Variants in CAST observed in about 807,000 individuals in gnomAD.
CAST encodes the protein calpastatin.
Under a neutral mutation model 119.6 loss-of-function variants are expected in CAST, and 76 were observed. The observed-to-expected ratio is 0.64, with a 90% CI of 0.53 to 0.77. The LOEUF (loss-of-function observed/expected upper bound fraction) is 0.77. CAST is among the 30% of genes least tolerant of loss of function. The pLI is 0.00. For missense variants in CAST, 953 were observed against 946.5 expected (o/e 1.01, Z -0.09); for synonymous variants, 319 against 331.6 (o/e 0.96, Z 0.41).
At chr5:96,421,449 T>C in the CAST span, among the ~76,000 whole-genome samples, 2 of 152,260 alleles carry the variant, frequency 1.3e-5, no homozygotes, top group African/African-American at 4.8e-5. Flanking sequence ...TGAAGGTGAC[T>C]GTAGCCACCG....
At chr5:96,465,274 G>T in the CAST span, among the ~76,000 whole-genome samples, 1 of 151,620 alleles carries the variant, frequency 6.6e-6, no homozygotes, top group Non-Finnish European at 1.5e-5. Context: ...AATTTGCTCA[G>T]CTATCTTTTC....
the CAST span, among the ~76,000 whole-genome samples, chr5:96,007,585 C>T: frequency 5.9e-5 from 9 of 152,016 alleles, no homozygotes; most frequent in East Asian, 1.9e-4. Flanking sequence ...GCTCTCGTGA[C>T]GCGATGAAAT....
chr5:96,168,515 C>T, the CAST span, among the ~76,000 whole-genome samples: 2 of 152,212 alleles, frequency 1.3e-5, no homozygotes, highest in South Asian at 2.1e-4. Flanking sequence ...GCAATGAGTT[C>T]AGCTTGCTAA....
At chr5:96,635,190 TGAG>T (rs1228894024) in intron 1 of CAST, among the ~76,000 whole-genome samples, 3 of 152,224 alleles carry the variant, frequency 2.0e-5, no homozygotes, top group Non-Finnish European at 4.4e-5. Context: ...TTCTAAAGGA[TGAG>T]GAGATTTGAA....
chr5:96,577,927 A>T (rs907548638), intron 1 of CAST, among the ~76,000 whole-genome samples: 71 of 152,242 alleles, frequency 4.7e-4, no homozygotes, highest in African/African-American at 1.6e-3. Flanking sequence ...TTTTGACATT[A>T]ATATATATGT....
chr5:96,380,282 A>T, the CAST span, among the ~76,000 whole-genome samples: 9,811 of 152,176 alleles, frequency 0.064, 992 homozygotes, highest in African/African-American at 0.21. Context: ...ATAATTTTTT[A>T]AAAAATTCCA....
At chr5:96,725,459 G>A (rs1482629612) in intron 4 of CAST, among the ~76,000 whole-genome samples, 2 of 152,020 alleles carry the variant, frequency 1.3e-5, no homozygotes, top group African/African-American at 2.4e-5. Context: ...ATGTCTTTAG[G>A]GAGTTATTTA....
intron 1 of CAST, among the ~76,000 whole-genome samples, chr5:96,610,594 C>T (rs1451738700): frequency 6.6e-6 from 1 of 152,096 alleles, no homozygotes; most frequent in Non-Finnish European, 1.5e-5. Context: ...AAACATTTCC[C>T]TCAAGAGCTG....
the CAST span, among the ~76,000 whole-genome samples, chr5:96,383,677 A>C: frequency 6.6e-5 from 10 of 152,144 alleles, no homozygotes; most frequent in Non-Finnish European, 1.3e-4. Flanking sequence ...TGATCTCCTG[A>C]CCTCGTGATC....
intron 25 of CAST, among the ~76,000 whole-genome samples, chr5:96,764,011 A>G (rs1768935036): frequency 6.6e-6 from 1 of 152,206 alleles, no homozygotes; most frequent in Non-Finnish European, 1.5e-5. Flanking sequence ...GTGGGCATCA[A>G]ATAAAACTGG....
At chr5:96,743,475 C>T (rs1316659183) in intron 16 of CAST, 19 of 1,093,536 alleles carry the variant, frequency 1.7e-5, no homozygotes, top group Non-Finnish European at 2.4e-5. Flanking sequence ...GGAGCCCGCC[C>T]CACCTCCATC....
chr5:96,693,948 G>A (rs1011290190), intron 2 of CAST, among the ~76,000 whole-genome samples: 5 of 152,144 alleles, frequency 3.3e-5, no homozygotes, highest in African/African-American at 4.8e-5. Context: ...CTGGGAGCCT[G>A]AACTCCTGCA....
intron 2 of CAST, among the ~76,000 whole-genome samples, chr5:96,692,542 G>T (rs1469917459): frequency 6.6e-6 from 1 of 152,068 alleles, no homozygotes; most frequent in Non-Finnish European, 1.5e-5. Flanking sequence ...GCTTCTTTCT[G>T]CTCCTCCTGC....
At chr5:96,741,119 A>G (rs1762574831) in intron 13 of CAST, 147 bp from the exon 14 acceptor site, 8 of 613,084 alleles carry the variant, frequency 1.3e-5, no homozygotes, top group Non-Finnish European at 2.0e-5. Flanking sequence ...TTCAAAACAT[A>G]CACTTTGATC....
chr5:96,378,618 T>C, the CAST span, among the ~76,000 whole-genome samples: 1 of 152,076 alleles, frequency 6.6e-6, no homozygotes, highest in African/African-American at 2.4e-5. Flanking sequence ...TTTCTGAAAA[T>C]AGCTCTAAAG....
chr5:96,148,072 C>T, the CAST span, among the ~76,000 whole-genome samples: 1 of 152,138 alleles, frequency 6.6e-6, no homozygotes, highest in Non-Finnish European at 1.5e-5. Flanking sequence ...AAAATTGACA[C>T]TGTGAGAGGG....
At chr5:96,365,046 A>G in the CAST span, among the ~76,000 whole-genome samples, 1 of 152,236 alleles carries the variant, frequency 6.6e-6, no homozygotes. Context: ...TTGGTTTCAA[A>G]GAACATCTTT....
At chr5:96,434,960 C>T in the CAST span, among the ~76,000 whole-genome samples, 2 of 152,186 alleles carry the variant, frequency 1.3e-5, no homozygotes, top group East Asian at 3.8e-4. Context: ...ATGGAATGGG[C>T]TCCGATTGAT....
At chr5:96,144,253 T>C in the CAST span, among the ~76,000 whole-genome samples, 1 of 152,230 alleles carries the variant, frequency 6.6e-6, no homozygotes, top group African/African-American at 2.4e-5. Flanking sequence ...GGCTTCTATG[T>C]ACATATAGAA....
Sources: allele counts gnomAD v4.1 joint callset (sites outside exome capture counted in the v4.1 genomes callset), GRCh38; gene constraint gnomAD v4.1.1; transcripts MANE v1.5; gene names NCBI Gene and HGNC (gene_info 2026-07-23, HGNC 2026-07-21).